COL28A1: variants seen among roughly 807,000 people sequenced by gnomAD.
COL28A1 encodes the protein collagen type XXVIII alpha 1 chain.
COL28A1 carries 161 observed loss-of-function variants against 150.2 expected under a neutral mutation model. The ratio of observed to expected loss-of-function variants is 1.07; its 90% CI spans 0.94 to 1.22. COL28A1 has a LOEUF of 1.22. Among genes scored for constraint, COL28A1 ranks in the 50% most tolerant of loss-of-function variants. The pLI, the probability that COL28A1 is intolerant of heterozygous loss-of-function variation, is 0.00. For missense variants in COL28A1, 1,617 were observed against 1,388.3 expected (o/e 1.16, Z -2.62); for synonymous variants, 552 against 469.7 (o/e 1.18, Z -2.26).
chr7:7,511,909 A>G (rs1199913319), intron 8 of COL28A1: 1 of 400,544 alleles, frequency 2.5e-6, no homozygotes, highest in African/African-American at 2.1e-5. Context: ...TAAATATTTT[A>G]TCTTAGTTAA....
chr7:7,380,600 A>G, intron 30 of COL28A1, 60 bp downstream of exon 30: 2 of 1,425,412 alleles, frequency 1.4e-6, no homozygotes, highest in South Asian at 1.2e-5. Context: ...AAGCTAAAGC[A>G]TGAATGCAAC....
chr7:7,338,488 C>T, the COL28A1 span, among the ~76,000 whole-genome samples: 1 of 152,132 alleles, frequency 6.6e-6, no homozygotes, highest in African/African-American at 2.4e-5. Context: ...ATTTGGCTCT[C>T]AGCTTGAATA....
At chr7:7,374,035 A>AT (rs1562489969) in intron 31 of COL28A1, among the ~76,000 whole-genome samples, 2,937 of 82,964 alleles carry the variant, frequency 0.035, 56 homozygotes, top group South Asian at 0.1. Context: ...AAAAAAAAAA[A>AT]AAAATATATA....
At chr7:7,488,627 C>A (rs1779751557) in intron 13 of COL28A1, among the ~76,000 whole-genome samples, 1 of 152,168 alleles carries the variant, frequency 6.6e-6, no homozygotes, top group African/African-American at 2.4e-5. Flanking sequence ...CAGTAAACTT[C>A]AAAACTACAT....
chr7:7,450,261 T>C (rs1036841826), intron 18 of COL28A1, among the ~76,000 whole-genome samples: 40 of 152,236 alleles, frequency 2.6e-4, no homozygotes, highest in Non-Finnish European at 5.0e-4. Flanking sequence ...TACACAAAAA[T>C]AAATTCCATG....
At chr7:7,426,539 C>T (rs1448725598) in intron 25 of COL28A1, among the ~76,000 whole-genome samples, 1 of 152,190 alleles carries the variant, frequency 6.6e-6, no homozygotes, top group Non-Finnish European at 1.5e-5. Flanking sequence ...ATAGTACCAA[C>T]TGTCAGCATG....
chr7:7,462,322 T>G (rs115357437), intron 15 of COL28A1, among the ~76,000 whole-genome samples: 4 of 152,100 alleles, frequency 2.6e-5, no homozygotes, highest in South Asian at 2.1e-4. Context: ...AACAAGGTTG[T>G]TTAACACCCC....
intron 3 of COL28A1, among the ~76,000 whole-genome samples, chr7:7,529,484 T>C (rs1782223496): frequency 6.6e-6 from 1 of 152,098 alleles, no homozygotes; most frequent in Non-Finnish European, 1.5e-5. Flanking sequence ...AAATCACAGA[T>C]GCTAAACAAA....
intron 33 of COL28A1, among the ~76,000 whole-genome samples, chr7:7,364,885 C>T (rs1461015240): frequency 6.6e-6 from 1 of 152,038 alleles, no homozygotes; most frequent in African/African-American, 2.4e-5. Flanking sequence ...TAAATAAATT[C>T]ACAATGGGTT....
At chr7:7,516,328 CG>C (rs1781413685) in intron 7 of COL28A1, among the ~76,000 whole-genome samples, 2 of 152,274 alleles carry the variant, frequency 1.3e-5, no homozygotes, top group South Asian at 4.1e-4. Context: ...CTTACAAATT[CG>C]GTCTAAGATA....
At chr7:7,424,948 A>C (rs1784576597) in intron 25 of COL28A1, among the ~76,000 whole-genome samples, 1 of 152,164 alleles carries the variant, frequency 6.6e-6, no homozygotes, top group African/African-American at 2.4e-5. Context: ...TCATCTTATG[A>C]TGGTTCTAAA....
rs1246958469 is a variant in COL28A1, at chr7:7,380,489, G to GC, written c.2322+170_2322+171insG. 2.0e-5 allele frequency among the ~76,000 whole-genome samples: 3 copies of GC among 152,120 alleles called. No homozygotes were observed. The East Asian group carries it at 5.8e-4, about 29-fold the overall frequency. On this transcript the variant is annotated intron_variant, in intron 30 of 34. Transcript: ENST00000399429. ...GGTTTTATCTCTCCCCTCATAGTCA[G>GC]ATTCAATTACCTCATGCATCTAAGC... is the stretch of plus-strand genomic sequence containing the variant.
chr7:7,453,740 C>A (rs778056712), intron 16 of COL28A1, among the ~76,000 whole-genome samples: 3 of 149,630 alleles, frequency 2.0e-5, no homozygotes, highest in Non-Finnish European at 4.4e-5. Context: ...CCACGTTTCT[C>A]AGTCCCTGTT....
At position 7,402,201 on chromosome 7, in the gene COL28A1, A is replaced by G. The variant is rs145730387; in HGVS notation, c.2136+15658T>C. On this transcript the variant is annotated intron_variant, in intron 27 of 34. Transcript: ENST00000399429. Reference sequence around the variant, plus strand: ...CACATTGACTGAGATTACTAAGATTAGTTCCAGCTCACAATTTCATCATTT... The same window carrying G: ...CACATTGACTGAGATTACTAAGATTGGTTCCAGCTCACAATTTCATCATTT... Among the ~76,000 whole-genome samples, 12 of 152,366 alleles carry G rather than the reference A, an allele frequency of 7.9e-5. No homozygotes were observed. In the East Asian group the frequency reaches 2.3e-3, roughly 29 times the overall value.
chr7:7,484,649 T>C (rs910930276), intron 13 of COL28A1, among the ~76,000 whole-genome samples: 6 of 152,140 alleles, frequency 3.9e-5, no homozygotes, highest in Non-Finnish European at 8.8e-5. Flanking sequence ...TGTCATATGG[T>C]CAGTATATTT....
chr7:7,411,383 G>C (rs949075874), intron 27 of COL28A1, among the ~76,000 whole-genome samples: 4 of 152,162 alleles, frequency 2.6e-5, no homozygotes, highest in Non-Finnish European at 5.9e-5. Context: ...CACTCTGCAA[G>C]GTGAGCTGAC....
chr7:7,419,917 C>T lies in COL28A1; in HGVS notation c.2035G>A (p.Gly679Arg), dbSNP rs759459101. The T allele has an allele frequency of 1.4e-5, 23 of 1,602,902 alleles. No individual in the cohort carries two copies. The East Asian group carries it at 5.0e-4, about 35-fold the overall frequency. The change falls in exon 26 of 35, where the codon GGG becomes AGG. Residue 679 changes from glycine (G) to arginine (R), a missense_variant. By Grantham distance (125) the Gly-to-Arg change is moderately radical. Coordinates refer to ENST00000399429, the MANE Select transcript of COL28A1 (RefSeq NM_001037763.3). ...PGVRGPPGPS[G>R]PRGVGTQGPK... ...CCTTGGGTTCCTACGCCCCGAGGCC[C>T]AGAAGGACCTGGAGGGCCTCTGACC...
intron 3 of COL28A1, among the ~76,000 whole-genome samples, chr7:7,528,518 T>C (rs934170134): frequency 1.3e-5 from 2 of 152,232 alleles, no homozygotes; most frequent in East Asian, 3.8e-4. Flanking sequence ...ATTCATTCTG[T>C]ATACTCGTGT....
At chr7:7,386,766 C>T (rs71533370) in intron 27 of COL28A1, among the ~76,000 whole-genome samples, 15,971 of 152,142 alleles carry the variant, frequency 0.1, 909 homozygotes, top group Middle Eastern at 0.16. Flanking sequence ...CCTTGTGGTG[C>T]TAGCCTGGGA....
Sources: allele counts gnomAD v4.1 joint callset (sites outside exome capture counted in the v4.1 genomes callset), GRCh38; gene constraint gnomAD v4.1.1; transcripts MANE v1.5; gene names NCBI Gene and HGNC (gene_info 2026-07-23, HGNC 2026-07-21).